KIF20A: variants seen among roughly 807,000 people sequenced by gnomAD.
The protein encoded by KIF20A is kinesin-like protein KIF20A.
KIF20A carries 66 observed loss-of-function variants against 113.0 expected under a neutral mutation model. That is an observed-to-expected ratio of 0.58 (90% CI 0.48 to 0.72). KIF20A has a LOEUF of 0.72. Among genes scored for constraint, KIF20A ranks in the 30% least tolerant of loss-of-function variants. The pLI is 0.00. For synonymous variants in KIF20A, 376 were observed against 402.3 expected (o/e 0.93, Z 0.78); for missense variants, 927 against 1,077.6 (o/e 0.86, Z 1.96).
Position 138,184,224 on chromosome 5 carries a change from C to T in KIF20A, c.1353-15C>T. 1 of 1,613,752 alleles carries T rather than the reference C, an allele frequency of 6.2e-7. No homozygotes were observed. The highest frequency in any genetic ancestry group is 8.5e-7 in the Non-Finnish European group (1 of 1,179,776). On this transcript the variant is annotated splice_polypyrimidine_tract_variant and intron_variant, in intron 11 of 18. Transcript: ENST00000394894. ...TGTTCTGCTCACAGCTCTATTATCT[C>T]TGATTCTCTGCCAGGTCAAAGCAGA...
In KIF20A at chr5:138,184,670, CAA is replaced by C; in HGVS notation, c.1679_1680del (p.Lys560ArgfsTer31). ...ENEADISMYG[K>X]EELLQVVEAM... ...ATGAAGCTGACATCTCCATGTATGG[CAA>C]AGAGGTGAGAATACAAGAAAGCTTT... On this transcript the variant is annotated frameshift_variant, in exon 13 of 19. Transcript: ENST00000394894. LOFTEE classifies it high-confidence loss of function. 6.2e-7 allele frequency: 1 copy of C among 1,613,924 alleles called. No individual in the cohort carries two copies. The highest frequency in any genetic ancestry group is 8.5e-7 in the Non-Finnish European group (1 of 1,179,870).
chr5:138,185,792 C>G (rs1027729090), intron 16 of KIF20A, 82 bp downstream of exon 16: 52 of 1,479,164 alleles, frequency 3.5e-5, no homozygotes, highest in Non-Finnish European at 1.0e-5. Flanking sequence ...AACTCCTGCT[C>G]TAACATAATT....
rs1289621368 is a variant in KIF20A, at chr5:138,183,880, G to A, written c.1209-82G>A. ...TGGGTACAGAGATTCTTAGTGGGCC[G>A]TCCCCTCTCCAGAATTATACAAAGG... On this transcript the variant is annotated intron_variant, in intron 10 of 18. Coordinates refer to ENST00000394894, the MANE Select transcript of KIF20A (RefSeq NM_005733.3). This position sits in a 1 kb window ranked among gnomAD's most constrained non-coding sequence, Gnocchi z 5.2. 2.3e-5 allele frequency: 37 copies of A among 1,590,916 alleles called. No homozygotes were observed. Among genetic ancestry groups the A allele is most frequent in the South Asian group, 5.6e-5 (5 of 89,844 alleles).
In KIF20A at chr5:138,185,493, C is replaced by T. The variant is rs1447481107; in HGVS notation, c.1927-19C>T. 3 of 1,609,708 alleles carry T rather than the reference C, an allele frequency of 1.9e-6. No homozygotes were observed. The highest frequency in any genetic ancestry group is 4.5e-5 in the East Asian group (2 of 44,866). On this transcript the variant is annotated intron_variant, in intron 15 of 18. Coordinates refer to ENST00000394894, the MANE Select transcript of KIF20A (RefSeq NM_005733.3). ...TTTTCTGGCTCTGCAAAGAATTGTG[C>T]TCTCTGCTTCCCTCTTAGGAGCGGG...
chr5:138,183,210 C>T lies in KIF20A; in HGVS notation c.874C>T (p.Pro292Ser), dbSNP rs769566391. 5 of 1,614,130 alleles carry T rather than the reference C, an allele frequency of 3.1e-6. No homozygotes were observed. Among genetic ancestry groups the T allele is most frequent in the African/African-American group, 1.3e-5 (1 of 74,952 alleles). The change falls in exon 8 of 19, where the codon CCT (proline) becomes TCT (serine). Residue 292 changes from proline to serine, a missense_variant. Transcript: ENST00000394894. This position sits in a 1 kb window ranked among gnomAD's most constrained non-coding sequence, Gnocchi z 5.2. ...RWAQPDTAPL[P>S]VPANIRFSIW... Reference sequence around the variant, plus strand: ...GGCACAGCCAGACACTGCCCCACTACCTGTCCCGGCAAACATTCGCTTCTC... The same window carrying T: ...GGCACAGCCAGACACTGCCCCACTATCTGTCCCGGCAAACATTCGCTTCTC...
chr5:138,181,673 T>C lies in KIF20A; in HGVS notation c.320T>C (p.Leu107Pro). 1.2e-6 allele frequency: 2 copies of C among 1,614,198 alleles called. No individual in the cohort carries two copies. Among genetic ancestry groups the C allele is most frequent in the Non-Finnish European group, 1.7e-6 (2 of 1,180,032 alleles). The change falls in exon 4 of 19, where the codon CTG (leucine) becomes CCG (proline). Residue 107 changes from leucine to proline, a missense_variant. Physicochemically the swap from Leu to Pro is moderately conservative, Grantham distance 98. Transcript: ENST00000394894. ...VLQAPKDSFA[L>P]KSNERGIGQA... The stretch of plus-strand genomic sequence containing the variant: ...CAAGCACCCAAGGACTCTTTTGCCC[T>C]GAAGAGCAATGAACGGGGAATTGGC...
rs1387690425 is a variant in KIF20A, at chr5:138,183,017, A to G, written c.832+27A>G. 2 of 1,613,618 alleles carry G rather than the reference A, an allele frequency of 1.2e-6. No homozygotes were observed. Among genetic ancestry groups the G allele is most frequent in the African/African-American group, 2.7e-5 (2 of 74,924 alleles). ...TATGTACCGTGACTGGGCTCTGCCA[A>G]AAAATAGTAGGAACTCACTCCCTGT... is the stretch of plus-strand genomic sequence containing the variant. On this transcript the variant is annotated intron_variant, in intron 7 of 18. Transcript: ENST00000394894. The surrounding 1 kb of genome is among the most constrained non-coding windows in gnomAD (Gnocchi z 5.2).
Position 138,183,327 on chromosome 5 carries a change from C to A in KIF20A, c.991C>A (p.Leu331Ile). Residue 331 changes from leucine to isoleucine, a missense_variant, in exon 8 of 19, where the codon CTA (leucine) becomes ATA (isoleucine). Coordinates refer to ENST00000394894, the MANE Select transcript of KIF20A (RefSeq NM_005733.3). This position sits in a 1 kb window ranked among gnomAD's most constrained non-coding sequence, Gnocchi z 5.2. Reference protein sequence around the residue: ...SQQRKRQTLRLCEDQNGNPYV... With the variant: ...SQQRKRQTLRICEDQNGNPYV... ...ACAGCGCAAGAGGCAGACTTTGCGGCTATGCGAGGATCAAAATGGCAATCC... is the reference window on the plus strand; with the variant it reads ...ACAGCGCAAGAGGCAGACTTTGCGGATATGCGAGGATCAAAATGGCAATCC... The A allele has an allele frequency of 6.2e-7, 1 of 1,614,212 alleles. No homozygotes were observed. Among genetic ancestry groups the A allele is most frequent in the Non-Finnish European group, 8.5e-7 (1 of 1,180,036 alleles).
rs1290662603 is a variant in KIF20A at position 138,184,574 on chromosome 5, T to C, written c.1581T>C (p.His527=). The change falls in exon 13 of 19, where the codon CAT becomes CAC. Residue 527 remains histidine, a synonymous_variant. Transcript: ENST00000394894. ...CCCTGCACTCGTTCATCAAGGAACA[T>C]AGTCTTCAGGTATCCCCCAGCTTAG... ...FPSLHSFIKE[H]SLQVSPSLEK... 2.5e-6 allele frequency: 4 copies of C among 1,614,184 alleles called. No individual in the cohort carries two copies. The highest frequency in any genetic ancestry group is 1.1e-5 in the South Asian group (1 of 91,088).
At position 138,184,875 on chromosome 5, in the gene KIF20A, G is replaced by A; in HGVS notation, c.1752G>A (p.Leu584=). Residue 584 remains leucine (L), a synonymous_variant, in exon 14 of 19, where the codon CTG becomes CTA. Coordinates refer to ENST00000394894, the MANE Select transcript of KIF20A (RefSeq NM_005733.3). Reference sequence around the variant, plus strand: ...AGGAACGACAGGAAAAGCTACAGCTGGAGATGCATCTCCGAGATGAAATTT... The same window carrying A: ...AGGAACGACAGGAAAAGCTACAGCTAGAGATGCATCTCCGAGATGAAATTT... ...LLKERQEKLQ[L]EMHLRDEICN... The A allele has an allele frequency of 6.2e-7, 1 of 1,614,158 alleles. No homozygotes were observed. The highest frequency in any genetic ancestry group is 8.5e-7 in the Non-Finnish European group (1 of 1,180,018).
In KIF20A at chr5:138,187,229, T is replaced by C. The variant is rs1365661119; in HGVS notation, c.2489T>C (p.Leu830Pro). 3 of 1,614,160 alleles carry C rather than the reference T, an allele frequency of 1.9e-6. No homozygotes were observed. The highest frequency in any genetic ancestry group is 2.5e-6 in the Non-Finnish European group (3 of 1,180,038). ...GGCCAGGTTTCTGCCAAAAAGCGCC[T>C]TGGTACCAACCAGGAAAATCAGCAA... is the stretch of plus-strand genomic sequence containing the variant. ...LQGQVSAKKRLGTNQENQQPN... is the reference protein window; with the variant it reads ...LQGQVSAKKRPGTNQENQQPN... The change falls in exon 19 of 19, where the codon CTT (leucine) becomes CCT (proline). Residue 830 changes from leucine to proline, a missense_variant. Coordinates refer to ENST00000394894, the MANE Select transcript of KIF20A (RefSeq NM_005733.3).
At chr5:138,185,736 A>ATT in intron 16 of KIF20A, 26 bp downstream of exon 16, 1 of 1,610,772 alleles carries the variant, frequency 6.2e-7, no homozygotes, top group Admixed American at 1.7e-5. Context: ...GGCAGGAAAC[A>ATT]TAACAGTGGT....
chr5:138,180,251 G>T (rs1327318884), intron 2 of KIF20A, among the ~76,000 whole-genome samples: 1 of 152,180 alleles, frequency 6.6e-6, no homozygotes, highest in Non-Finnish European at 1.5e-5. Context: ...GCTTCAATTT[G>T]TTGTAGGTTT....
chr5:138,183,854 T>C lies in KIF20A; in HGVS notation c.1208+98T>C. On this transcript the variant is annotated intron_variant, in intron 10 of 18. Transcript: ENST00000394894. This position sits in a 1 kb window ranked among gnomAD's most constrained non-coding sequence, Gnocchi z 5.2. ...CAGGGGAACTATGTGTTCTCCTTCTTTGGGTACAGAGATTCTTAGTGGGCC... is the reference window on the plus strand; with the variant it reads ...CAGGGGAACTATGTGTTCTCCTTCTCTGGGTACAGAGATTCTTAGTGGGCC... 2 of 1,576,782 alleles carry C rather than the reference T, an allele frequency of 1.3e-6. No homozygotes were observed. The highest frequency in any genetic ancestry group is 1.7e-6 in the Non-Finnish European group (2 of 1,149,990).
At position 138,181,368 on chromosome 5, in the gene KIF20A, T is replaced by G. The variant is rs1460717131; in HGVS notation, c.166-54T>G. On this transcript the variant is annotated intron_variant, in intron 2 of 18. Coordinates refer to ENST00000394894, the MANE Select transcript of KIF20A (RefSeq NM_005733.3). ...TAGAAACTACTGTTTGCCCATTTGCTCAGAGGTAACTGCTGAAATTAATCT... is the reference window on the plus strand; with the variant it reads ...TAGAAACTACTGTTTGCCCATTTGCGCAGAGGTAACTGCTGAAATTAATCT... The G allele has an allele frequency of 7.5e-6, 11 of 1,470,830 alleles. No individual in the cohort carries two copies. In the East Asian group the frequency reaches 1.8e-4, roughly 24 times the overall value. 91.1% of individuals were successfully genotyped at this position (1,470,830 alleles called of 1,614,324 possible). A position where few individuals can be genotyped will look rare whatever the true frequency, so the allele number is the denominator to read the frequency against.
rs1436387233 is a variant in KIF20A at position 138,184,343 on chromosome 5, C to G, written c.1457C>G (p.Pro486Arg). Reference sequence around the variant, plus strand: ...TCCTGCATGATTGTCAATGTGAATCCCTGTGCATCTACCTATGATGAAACT... The same window carrying G: ...TCCTGCATGATTGTCAATGTGAATCGCTGTGCATCTACCTATGATGAAACT... ...GRSCMIVNVN[P>R]CASTYDETLH... The change falls in exon 12 of 19, where the codon CCC becomes CGC. Residue 486 changes from proline (P) to arginine (R), a missense_variant. Coordinates refer to ENST00000394894, the MANE Select transcript of KIF20A (RefSeq NM_005733.3). 2 of 1,614,138 alleles carry G rather than the reference C, an allele frequency of 1.2e-6. No individual in the cohort carries two copies. The highest frequency in any genetic ancestry group is 2.2e-5 in the South Asian group (2 of 91,084).
At position 138,182,400 on chromosome 5, in the gene KIF20A, G is replaced by A; in HGVS notation, c.453G>A (p.Gly151=). 2 of 1,614,162 alleles carry A rather than the reference G, an allele frequency of 1.2e-6. No individual in the cohort carries two copies. Among genetic ancestry groups the A allele is most frequent in the Non-Finnish European group, 1.7e-6 (2 of 1,180,012 alleles). ...VKEMVKDVLK[G]QNWLIYTYGV... ...AGATGGTAAAGGATGTACTCAAAGG[G>A]CAGAACTGGCTCATCTATACATATG... The change falls in exon 5 of 19, where the codon GGG becomes GGA. Residue 151 remains glycine (G), a synonymous_variant. Transcript: ENST00000394894.
Position 138,182,615 on chromosome 5 carries a change from C to T in KIF20A, c.544C>T (p.Arg182Trp), listed in dbSNP as rs771130761. The T allele has an allele frequency of 1.5e-5, 25 of 1,614,036 alleles. No homozygotes were observed. Among genetic ancestry groups the T allele is most frequent in the African/African-American group, 2.7e-5 (2 of 74,916 alleles). The change falls in exon 6 of 19, where the codon CGG (arginine) becomes TGG (tryptophan). Residue 182 changes from arginine to tryptophan, a missense_variant. Transcript: ENST00000394894. ...GTIKDGGILP[R>W]SLALIFNSLQ... ...CATCAAGGATGGAGGGATTCTCCCC[C>T]GGTCCCTGGCGCTGATCTTCAATAG... is the stretch of plus-strand genomic sequence containing the variant.
Position 138,182,386 on chromosome 5 carries a change from G to A in KIF20A, c.439G>A (p.Asp147Asn), listed in dbSNP as rs752562197. 4 of 1,614,072 alleles carry A rather than the reference G, an allele frequency of 2.5e-6. No individual in the cohort carries two copies. The Admixed American group carries it at 6.7e-5, about 27-fold the overall frequency. ...FNLTVKEMVK[D>N]VLKGQNWLIY... ...CCTAACTGTGAAGGAGATGGTAAAG[G>A]ATGTACTCAAAGGGCAGAACTGGCT... The change falls in exon 5 of 19, where the codon GAT becomes AAT. Residue 147 changes from aspartate (D) to asparagine (N), a missense_variant. Coordinates refer to ENST00000394894, the MANE Select transcript of KIF20A (RefSeq NM_005733.3).
Sources: allele counts gnomAD v4.1 joint callset (sites outside exome capture counted in the v4.1 genomes callset), GRCh38; gene constraint gnomAD v4.1.1; non-coding constraint Gnocchi (gnomAD v3.1); transcripts MANE v1.5; gene names NCBI Gene and HGNC (gene_info 2026-07-23, HGNC 2026-07-21).